The following ST6GAL1 variants were observed in gnomAD, a reference collection of about 807,000 sequenced individuals.
The protein encoded by ST6GAL1 is beta-galactoside alpha-2,6-sialyltransferase 1.
ST6GAL1 carries 20 observed loss-of-function variants against 38.0 expected under a neutral mutation model. The ratio of observed to expected loss-of-function variants is 0.53; its 90% confidence interval spans 0.37 to 0.77. The LOEUF (loss-of-function observed/expected upper bound fraction) is 0.77. Ranked by LOEUF, ST6GAL1 falls within the 30% of genes least tolerant of loss-of-function variation. The pLI is 0.00. For missense variants in ST6GAL1, 432 were observed against 496.4 expected, an observed-to-expected ratio of 0.87 and a Z score of 1.23; for synonymous variants, 196 against 188.2, an observed-to-expected ratio of 1.04 and a Z score of -0.34.
intron 2 of ST6GAL1, among the ~76,000 whole-genome samples, chr3:187,037,724 A>G (rs926877928): frequency 1.3e-5 from 2 of 151,994 alleles, no homozygotes; most frequent in Admixed American, 1.3e-4. Context: ...GACTACAGGC[A>G]TGCACGCCTG....
intron 2 of ST6GAL1, among the ~76,000 whole-genome samples, chr3:186,966,983 G>T (rs562475275): frequency 6.6e-5 from 10 of 152,164 alleles, no homozygotes; most frequent in Non-Finnish European, 1.5e-4. Flanking sequence ...GCTTGTTTGG[G>T]CAAGAAACTC....
At chr3:186,995,335 C>T (rs1193006868) in intron 2 of ST6GAL1, among the ~76,000 whole-genome samples, 1 of 151,088 alleles carries the variant, frequency 6.6e-6, no homozygotes, top group Non-Finnish European at 1.5e-5. Flanking sequence ...GGTGAAGCCC[C>T]GACTCTACTA....
intron 2 of ST6GAL1, among the ~76,000 whole-genome samples, chr3:186,969,021 T>C (rs1000643495): frequency 4.6e-5 from 7 of 151,546 alleles, no homozygotes; most frequent in Non-Finnish European, 8.8e-5. Context: ...TCTATCTTTT[T>C]CTTTTTCTTT....
chr3:187,006,171 G>A (rs79953567), intron 2 of ST6GAL1: 11,972 of 152,164 alleles, frequency 0.079, 549 homozygotes, highest in Middle Eastern at 0.14. Flanking sequence ...CTGAGAAATG[G>A]CCCAGTTCCA....
At chr3:187,015,850 AT>A (rs1483452740) in intron 2 of ST6GAL1, among the ~76,000 whole-genome samples, 4 of 152,176 alleles carry the variant, frequency 2.6e-5, no homozygotes, top group Admixed American at 1.3e-4. Context: ...GGAAAAAAAA[AT>A]AAAAATAAAT....
chr3:186,969,079 T>C (rs1715251506), intron 2 of ST6GAL1, among the ~76,000 whole-genome samples: 1 of 145,284 alleles, frequency 6.9e-6, no homozygotes, highest in Non-Finnish European at 1.5e-5. Flanking sequence ...TGAGACAGAT[T>C]CTCACTCTGT....
At chr3:186,984,740 T>TTACC (rs1715814629) in intron 2 of ST6GAL1, among the ~76,000 whole-genome samples, 1 of 63,878 alleles carries the variant, frequency 1.6e-5, no homozygotes, top group Admixed American at 1.8e-4. Flanking sequence ...CCTTCCTTCC[T>TTACC]TCCCTCCCTC....
intron 2 of ST6GAL1, among the ~76,000 whole-genome samples, chr3:186,997,667 G>A (rs1716463616): frequency 2.0e-5 from 3 of 151,976 alleles, no homozygotes; most frequent in Admixed American, 6.6e-5. Context: ...TGAGGCGAGA[G>A]GATCACTTGA....
intron 2 of ST6GAL1, among the ~76,000 whole-genome samples, chr3:187,024,389 A>G (rs1037543344): frequency 2.0e-5 from 3 of 150,878 alleles, no homozygotes; most frequent in East Asian, 3.9e-4. Flanking sequence ...CACCGCGCCC[A>G]GCCTAAATGT....
intron 2 of ST6GAL1, among the ~76,000 whole-genome samples, chr3:187,011,165 ATT>A (rs915871922): frequency 6.6e-6 from 1 of 152,050 alleles, no homozygotes; most frequent in African/African-American, 2.4e-5. Flanking sequence ...TGCCCGGCAA[ATT>A]TTTGTATTTT....
chr3:187,014,889 G>GA (rs1232467474), intron 2 of ST6GAL1, among the ~76,000 whole-genome samples: 8 of 152,106 alleles, frequency 5.3e-5, no homozygotes, highest in Non-Finnish European at 1.0e-4. Flanking sequence ...CTTGACACAT[G>GA]ACAAAATCAC....
intron 1 of ST6GAL1, among the ~76,000 whole-genome samples, chr3:186,948,154 C>G (rs1714442938): frequency 6.6e-6 from 1 of 152,156 alleles, no homozygotes; most frequent in Non-Finnish European, 1.5e-5. Context: ...GGATGGCTGT[C>G]AACAGCTTGG....
At chr3:186,970,204 C>T (rs1400764580) in intron 2 of ST6GAL1, among the ~76,000 whole-genome samples, 4 of 142,146 alleles carry the variant, frequency 2.8e-5, no homozygotes, top group African/African-American at 1.0e-4. Context: ...ATTTCTTTTT[C>T]TTTTCTTTTT....
chr3:186,994,814 G>A (rs989188086), intron 2 of ST6GAL1, among the ~76,000 whole-genome samples: 1 of 151,626 alleles, frequency 6.6e-6, no homozygotes, highest in Admixed American at 6.6e-5. Flanking sequence ...CATGGTGGGC[G>A]CCTGTAATCT....
At chr3:186,965,213 G>A (rs1212054120) in intron 2 of ST6GAL1, among the ~76,000 whole-genome samples, 3 of 152,156 alleles carry the variant, frequency 2.0e-5, no homozygotes, top group Non-Finnish European at 2.9e-5. Flanking sequence ...GAAAAGTCAC[G>A]AAGTTGGTCA....
intron 2 of ST6GAL1, among the ~76,000 whole-genome samples, chr3:186,970,510 A>G (rs1330472652): frequency 1.3e-5 from 2 of 151,948 alleles, no homozygotes; most frequent in Non-Finnish European, 2.9e-5. Context: ...GATGTGAGCC[A>G]CTGCGCCCGG....
At chr3:186,964,787 C>T (rs771855506) in intron 2 of ST6GAL1, among the ~76,000 whole-genome samples, 19 of 152,086 alleles carry the variant, frequency 1.2e-4, no homozygotes, top group South Asian at 8.3e-4. Context: ...TTGGAAATTC[C>T]GATTAGATAA....
chr3:187,052,430 A>C (rs1718547905), intron 5 of ST6GAL1, among the ~76,000 whole-genome samples: 1 of 152,120 alleles, frequency 6.6e-6, no homozygotes, highest in African/African-American at 2.4e-5. Flanking sequence ...TATTTCTCCT[A>C]ATGCTATCCC....
chr3:187,013,840 C>T lies in ST6GAL1; in HGVS notation c.-182-24902C>T, dbSNP rs577130862. ...CCTCAGGTGATCCTCCCACCTTGGC[C>T]TCCCAACGTGCTGGGATTACAGGCA... On this transcript the variant is annotated intron_variant, in intron 2 of 7. Transcript: ENST00000169298. Among the ~76,000 whole-genome samples the T allele has an allele frequency of 2.2e-4, 33 of 152,298 alleles. No homozygotes were observed. In the South Asian group the frequency reaches 3.3e-3, roughly 15 times the overall value.
Sources: allele counts gnomAD v4.1 joint callset (sites outside exome capture counted in the v4.1 genomes callset), GRCh38; gene constraint gnomAD v4.1.1; transcripts MANE v1.5; gene names NCBI Gene and HGNC (gene_info 2026-07-23, HGNC 2026-07-21).